The following MBD5 variants were observed in gnomAD, a reference collection of about 807,000 sequenced individuals.
The protein encoded by MBD5 is methyl-CpG-binding domain protein 5.
MBD5 carries 13 observed loss-of-function variants against 117.3 expected under a neutral mutation model. That is an observed-to-expected ratio of 0.11 (90% CI 0.07 to 0.18). The LOEUF is 0.18. MBD5 is among the 10% of genes least tolerant of loss of function. MBD5 has a pLI of 1.00. For synonymous variants in MBD5, 727 were observed against 766.4 expected (o/e 0.95, Z 0.85); for missense variants, 1,879 against 2,093.8 (o/e 0.90, Z 2.00).
chr2:148,106,703 G>A (rs991918851), intron 1 of MBD5, among the ~76,000 whole-genome samples: 3 of 151,676 alleles, frequency 2.0e-5, no homozygotes, highest in South Asian at 4.2e-4. Context: ...TGGAATTCAT[G>A]CAGTCTATTT....
rs1423957957 is a variant in MBD5, at chr2:148,469,778, G to T, written c.1835G>T (p.Gly612Val). The change falls in exon 8 of 14, where the codon GGC (glycine) becomes GTC (valine). Residue 612 changes from glycine (G) to valine (V), a missense_variant. Physicochemically the swap from Gly to Val is moderately radical, Grantham distance 109. This residue lies in a region of MBD5 where 1,666 missense variants were observed against 1,792.2 expected (regional missense o/e 0.93). Coordinates refer to ENST00000642680, the MANE Select transcript of MBD5 (RefSeq NM_001378120.1). Reference protein sequence around the residue: ...SSNSGAVAGSGNTEGHSTLNT... With the variant: ...SSNSGAVAGSVNTEGHSTLNT... ...AATTCTGGAGCTGTTGCCGGCAGTG[G>T]CAACACTGAAGGACATAGCACTTTA... The T allele has an allele frequency of 6.2e-7, 1 of 1,613,840 alleles. No homozygotes were observed. Among genetic ancestry groups the T allele is most frequent in the African/African-American group, 1.3e-5 (1 of 74,898 alleles).
intron 13 of MBD5, among the ~76,000 whole-genome samples, chr2:148,511,702 C>T (rs141052943): frequency 6.6e-6 from 1 of 152,124 alleles, no homozygotes; most frequent in African/African-American, 2.4e-5. Flanking sequence ...TAAAAAGTTT[C>T]TTTCCTCAGT....
chr2:148,481,736 A>G (rs964263282), intron 8 of MBD5: 1 of 152,076 alleles, frequency 6.6e-6, no homozygotes, highest in Non-Finnish European at 1.5e-5. Context: ...AAAGAATACT[A>G]CTGCGCAGGC....
At chr2:148,442,336 A>G (rs938100336) in intron 4 of MBD5, among the ~76,000 whole-genome samples, 5 of 151,214 alleles carry the variant, frequency 3.3e-5, no homozygotes, top group Admixed American at 2.6e-4. Flanking sequence ...ACTTTGTGCT[A>G]TGGGGGAAAA....
intron 4 of MBD5, among the ~76,000 whole-genome samples, chr2:148,433,313 G>C (rs1378408671): frequency 6.6e-6 from 1 of 152,140 alleles, no homozygotes; most frequent in Non-Finnish European, 1.5e-5. Context: ...GGGGTAGTTT[G>C]ACTTCCTCTC....
At chr2:148,216,614 CA>C (rs796445507) in intron 2 of MBD5, among the ~76,000 whole-genome samples, 10 of 152,232 alleles carry the variant, frequency 6.6e-5, no homozygotes, top group Admixed American at 2.6e-4. Context: ...TTTTTCAAAA[CA>C]TTTTTTTAAC....
chr2:148,325,624 G>C (rs532574908), intron 3 of MBD5, among the ~76,000 whole-genome samples: 12 of 152,312 alleles, frequency 7.9e-5, no homozygotes, highest in African/African-American at 2.4e-4. Flanking sequence ...TATTTGCGTA[G>C]AGGTGTTTGT....
intron 1 of MBD5, among the ~76,000 whole-genome samples, chr2:148,056,584 A>G (rs555170658): frequency 1.3e-5 from 2 of 152,170 alleles, no homozygotes; most frequent in South Asian, 2.1e-4. Context: ...TTCTCTTTTA[A>G]TCTGTTAATG....
chr2:148,179,447 T>C (rs775745574), intron 2 of MBD5, among the ~76,000 whole-genome samples: 6 of 152,164 alleles, frequency 3.9e-5, no homozygotes, highest in Non-Finnish European at 7.3e-5. Flanking sequence ...AAACTATTAT[T>C]CATTGCACTG....
chr2:148,427,938 A>T (rs1198736593), intron 4 of MBD5, among the ~76,000 whole-genome samples: 3 of 152,168 alleles, frequency 2.0e-5, no homozygotes, highest in African/African-American at 7.2e-5. Context: ...CCGGCACAAG[A>T]CAAGGATGCC....
intron 4 of MBD5, among the ~76,000 whole-genome samples, chr2:148,365,412 C>A (rs1276424493): frequency 6.6e-6 from 1 of 152,128 alleles, no homozygotes; most frequent in Non-Finnish European, 1.5e-5. Flanking sequence ...GACACCCTAA[C>A]ATCACAATTA....
intron 13 of MBD5, among the ~76,000 whole-genome samples, chr2:148,511,003 A>G (rs1682197395): frequency 6.6e-6 from 1 of 152,152 alleles, no homozygotes; most frequent in Non-Finnish European, 1.5e-5. Flanking sequence ...GTGAAGATCC[A>G]TGGGTTAGGG....
At chr2:148,491,912 T>G (rs1339494825) in intron 11 of MBD5, among the ~76,000 whole-genome samples, 3 of 152,010 alleles carry the variant, frequency 2.0e-5, no homozygotes. Context: ...TGTTTTACAA[T>G]GTCTGTGCAA....
At chr2:148,287,719 G>A (rs953753216) in intron 3 of MBD5, among the ~76,000 whole-genome samples, 1 of 152,160 alleles carries the variant, frequency 6.6e-6, no homozygotes, top group Non-Finnish European at 1.5e-5. Flanking sequence ...AAGCAGAAGA[G>A]CAATAGAGCA....
chr2:148,148,956 T>A (rs1158939897), intron 1 of MBD5, among the ~76,000 whole-genome samples: 2 of 152,182 alleles, frequency 1.3e-5, no homozygotes, highest in Non-Finnish European at 2.9e-5. Context: ...TTTTTAATTA[T>A]ACTTTAAGTT....
chr2:148,439,738 T>TC (rs1491287729), intron 4 of MBD5, among the ~76,000 whole-genome samples: 9 of 85,644 alleles, frequency 1.1e-4, no homozygotes, highest in East Asian at 2.1e-4. Context: ...ATTCTCTCTC[T>TC]TTTTTTTTTT....
intron 1 of MBD5, among the ~76,000 whole-genome samples, chr2:148,117,438 G>C (rs6430292): frequency 6.6e-6 from 1 of 151,824 alleles, no homozygotes. Context: ...TTAGAATAAT[G>C]AATGAATTAC....
At chr2:148,250,538 A>G (rs1700441205) in intron 3 of MBD5, among the ~76,000 whole-genome samples, 1 of 152,196 alleles carries the variant, frequency 6.6e-6, no homozygotes, top group African/African-American at 2.4e-5. Flanking sequence ...CTGCTTTTGA[A>G]GATCAGGGCT....
chr2:148,336,524 C>T (rs1041308616), intron 3 of MBD5, among the ~76,000 whole-genome samples: 5 of 152,068 alleles, frequency 3.3e-5, no homozygotes, highest in African/African-American at 1.2e-4. Context: ...GTAGCTGGGA[C>T]TACCAGCATG....
Sources: allele counts gnomAD v4.1 joint callset (sites outside exome capture counted in the v4.1 genomes callset), GRCh38; gene constraint gnomAD v4.1.1; regional missense constraint gnomAD v4.1.1; transcripts MANE v1.5; gene names NCBI Gene and HGNC (gene_info 2026-07-23, HGNC 2026-07-21).